Variants in POFUT2 observed in about 807,000 individuals in gnomAD.
POFUT2 encodes GDP-fucose protein O-fucosyltransferase 2.
POFUT2 carries 30 observed loss-of-function variants against 55.0 expected under a neutral mutation model. That is an observed-to-expected ratio of 0.55 (90% CI 0.41 to 0.74). POFUT2 has a LOEUF of 0.74. Ranked by LOEUF, POFUT2 falls within the 30% of genes least tolerant of loss-of-function variation. POFUT2 has a pLI of 0.00. For missense variants in POFUT2, 524 were observed against 562.6 expected, an observed-to-expected ratio of 0.93 and a Z score of 0.69; for synonymous variants, 267 against 231.1, an observed-to-expected ratio of 1.16 and a Z score of -1.41.
Position 45,267,343 on chromosome 21 carries a change from C to T in POFUT2, c.1136+247G>A. 1 of 1,532,858 alleles carries T rather than the reference C, an allele frequency of 6.5e-7. No individual in the cohort carries two copies. Among genetic ancestry groups the T allele is most frequent in the East Asian group, 2.3e-5 (1 of 44,050 alleles). The allele number at this position is 1,532,858 out of a possible 1,614,324, so 95.0% of individuals were successfully genotyped here. ...AGAAGAGGTTCTGAGACGAGGCCAG[C>T]TATGCCAACAGCCTGCTATGGAGGA... is the stretch of plus-strand genomic sequence containing the variant. On this transcript the variant is annotated intron_variant, in intron 8 of 8. Coordinates refer to ENST00000349485, the MANE Select transcript of POFUT2 (RefSeq NM_133635.6). The surrounding 1 kb of genome is among the most constrained non-coding windows in gnomAD (Gnocchi z 4.4).
At position 45,285,618 on chromosome 21, in the gene POFUT2, A is replaced by G; in HGVS notation, c.382+60T>C. 6.2e-7 allele frequency: 1 copy of G among 1,608,552 alleles called. No individual in the cohort carries two copies. Among genetic ancestry groups the G allele is most frequent in the South Asian group, 1.1e-5 (1 of 90,410 alleles). On this transcript the variant is annotated intron_variant, in intron 2 of 8. Transcript: ENST00000349485. This position sits in a 1 kb window ranked among gnomAD's most constrained non-coding sequence, Gnocchi z 4.9. ...AAGCCCAACCTGATGTCTACCTTAG[A>G]AATGACTGCCTGGCCCCAGTTAAGC...
chr21:45,279,201 C>A (rs1199453418), intron 4 of POFUT2, among the ~76,000 whole-genome samples: 1 of 149,390 alleles, frequency 6.7e-6, no homozygotes, highest in East Asian at 1.9e-4. Flanking sequence ...ACCATCCTGG[C>A]TAAGACGGTG....
In POFUT2 at chr21:45,282,215, G is replaced by A; in HGVS notation, c.638+134C>T. Reference sequence around the variant, plus strand: ...CACTTCCCTAACCACCACCCCCCAGGGCCCCCAGGGTCCGCTGTCTGTGAG... The same window carrying A: ...CACTTCCCTAACCACCACCCCCCAGAGCCCCCAGGGTCCGCTGTCTGTGAG... On this transcript the variant is annotated intron_variant, in intron 4 of 8. Transcript: ENST00000349485. This position sits in a 1 kb window ranked among gnomAD's most constrained non-coding sequence, Gnocchi z 4.6. 1 of 648,746 alleles carries A rather than the reference G, an allele frequency of 1.5e-6. No homozygotes were observed. Among genetic ancestry groups the A allele is most frequent in the Non-Finnish European group, 2.7e-6 (1 of 369,802 alleles). The allele number at this position is 648,746 out of a possible 1,614,324, so 40.2% of individuals were successfully genotyped here. A position where few individuals can be genotyped will look rare whatever the true frequency, so the allele number is the denominator to read the frequency against.
chr21:45,272,095 T>G, intron 6 of POFUT2, among the ~76,000 whole-genome samples: 1 of 152,162 alleles, frequency 6.6e-6, no homozygotes, highest in East Asian at 1.9e-4. Context: ...AGACTCCACT[T>G]AAGAGAAACA....
chr21:45,269,009 G>A (rs1279559529), intron 7 of POFUT2, among the ~76,000 whole-genome samples: 3 of 102,758 alleles, frequency 2.9e-5, no homozygotes, highest in Non-Finnish European at 3.9e-5. Flanking sequence ...CCCTCTGCCC[G>A]GCCAGCCGCC....
intron 6 of POFUT2, among the ~76,000 whole-genome samples, chr21:45,276,206 A>T (rs1211738532): frequency 2.6e-5 from 4 of 151,054 alleles, no homozygotes; most frequent in Non-Finnish European, 5.9e-5. Context: ...AAACAAAAAC[A>T]AATTAATTAA....
chr21:45,277,417 G>T lies in POFUT2; in HGVS notation c.706-275C>A, dbSNP rs146047414. 1 of 449,780 alleles carries T rather than the reference G, an allele frequency of 2.2e-6. No homozygotes were observed. The highest frequency in any genetic ancestry group is 2.2e-5 in the South Asian group (1 of 45,258). 27.9% of individuals were successfully genotyped at this position (449,780 alleles called of 1,614,324 possible). ...CGGCACACACTGGGCTCAGCTGGCC[G>T]TTGCCCCTGGCTGGCACAACTGTGT... On this transcript the variant is annotated intron_variant, in intron 5 of 8. Transcript: ENST00000349485. The surrounding 1 kb of genome is among the most constrained non-coding windows in gnomAD (Gnocchi z 6.9).
intron 6 of POFUT2, among the ~76,000 whole-genome samples, chr21:45,273,701 T>A (rs1166943614): frequency 6.6e-6 from 1 of 152,010 alleles, no homozygotes; most frequent in African/African-American, 2.4e-5. Flanking sequence ...TAAACAGCAC[T>A]AAAAACAAAA....
Position 45,287,838 on chromosome 21 carries a change from C to A in POFUT2, c.34G>T (p.Gly12Trp). Residue 12 changes from glycine to tryptophan, a missense_variant, in exon 1 of 9, where the codon GGG becomes TGG. Physicochemically the swap from Gly to Trp is radical, Grantham distance 184. Coordinates refer to ENST00000349485, the MANE Select transcript of POFUT2 (RefSeq NM_133635.6). ...GAAGCCGGAGGCCAGGACACTGCCC[C>A]CAGCAGCAGGAAGACGAAGCTGAGT... ...ATLSFVFLLL[G>W]AVSWPPASAS... is the part of the protein sequence containing the mutation. 6.9e-7 allele frequency: 1 copy of A among 1,454,668 alleles called. No individual in the cohort carries two copies. Among genetic ancestry groups the A allele is most frequent in the Non-Finnish European group, 9.1e-7 (1 of 1,096,430 alleles). 90.1% of individuals were successfully genotyped at this position (1,454,668 alleles called of 1,614,324 possible).
At chr21:45,279,737 A>G (rs947132969) in intron 4 of POFUT2, among the ~76,000 whole-genome samples, 1 of 152,208 alleles carries the variant, frequency 6.6e-6, no homozygotes, top group African/African-American at 2.4e-5. Context: ...AGACTCTTCT[A>G]CAGAAACCTG....
chr21:45,282,251 C>G lies in POFUT2; in HGVS notation c.638+98G>C, dbSNP rs1369805700. ...TCCGCTGTCTGTGAGGTGGGTGGGC[C>G]AGGGATGCGGGAGTATGGGCGGAGA... On this transcript the variant is annotated intron_variant, in intron 4 of 8. Coordinates refer to ENST00000349485, the MANE Select transcript of POFUT2 (RefSeq NM_133635.6). The surrounding 1 kb of genome is among the most constrained non-coding windows in gnomAD (Gnocchi z 4.6). The G allele has an allele frequency of 1.2e-6, 1 of 805,096 alleles. No individual in the cohort carries two copies. The highest frequency in any genetic ancestry group is 1.7e-5 in the African/African-American group (1 of 58,324). The allele number at this position is 805,096 out of a possible 1,614,324, so 49.9% of individuals were successfully genotyped here.
rs1420698773 is a variant in POFUT2, at chr21:45,267,832, C to T, written c.1013-119G>A. On this transcript the variant is annotated intron_variant, in intron 7 of 8. Transcript: ENST00000349485. This position sits in a 1 kb window ranked among gnomAD's most constrained non-coding sequence, Gnocchi z 4.4. The stretch of plus-strand genomic sequence containing the variant: ...TGGTTAATTCGTTAGGAACTGGCTC[C>T]AAAGGTGCAGACACACAACTCAGCT... 4 of 849,520 alleles carry T rather than the reference C, an allele frequency of 4.7e-6. No homozygotes were observed. Among genetic ancestry groups the T allele is most frequent in the Admixed American group, 2.1e-5 (1 of 47,996 alleles). 52.6% of individuals were successfully genotyped at this position (849,520 alleles called of 1,614,324 possible).
intron 6 of POFUT2, among the ~76,000 whole-genome samples, chr21:45,271,963 C>G (rs2093222689): frequency 6.6e-6 from 1 of 152,168 alleles, no homozygotes; most frequent in South Asian, 2.1e-4. Flanking sequence ...ATAAATCTCA[C>G]AGGGCATATA....
rs756321174 is a variant in POFUT2 at position 45,267,558 on chromosome 21, C to T, written c.1136+32G>A. 8.1e-6 allele frequency: 13 copies of T among 1,614,054 alleles called. No individual in the cohort carries two copies. Among genetic ancestry groups the T allele is most frequent in the South Asian group, 3.3e-5 (3 of 91,094 alleles). ...AAGAACCTTTGAAAGCCACCCGACC[C>T]GCTCTCGGCCGACAGTGACGTGGGC... On this transcript the variant is annotated intron_variant, in intron 8 of 8. Coordinates refer to ENST00000349485, the MANE Select transcript of POFUT2 (RefSeq NM_133635.6). This position sits in a 1 kb window ranked among gnomAD's most constrained non-coding sequence, Gnocchi z 4.4.
chr21:45,282,597 T>C lies in POFUT2; in HGVS notation c.528-138A>G. The C allele has an allele frequency of 1.5e-6, 1 of 681,094 alleles. No homozygotes were observed. The highest frequency in any genetic ancestry group is 2.7e-6 in the Non-Finnish European group (1 of 375,704). 42.2% of individuals were successfully genotyped at this position (681,094 alleles called of 1,614,324 possible). On this transcript the variant is annotated intron_variant, in intron 3 of 8. Transcript: ENST00000349485. This position sits in a 1 kb window ranked among gnomAD's most constrained non-coding sequence, Gnocchi z 4.6. ...TTTAGGAAAACTTACTGATCGTGACTGCAGATCGTGACATTCTAGTAAAAT... is the reference window on the plus strand; with the variant it reads ...TTTAGGAAAACTTACTGATCGTGACCGCAGATCGTGACATTCTAGTAAAAT...
intron 1 of POFUT2, 75 bp downstream of exon 1, chr21:45,287,666 G>A: frequency 6.5e-6 from 1 of 153,802 alleles, no homozygotes; most frequent in Non-Finnish European, 1.0e-5. Flanking sequence ...CCCTGACCCC[G>A]CCCCGCCCCC....
In POFUT2 at chr21:45,286,938, C is replaced by A. The variant is rs551929985; in HGVS notation, c.131+803G>T. Reference sequence around the variant, plus strand: ...CCCTGAGAATTCACTGCGGAGCGCCCGCCCGGCACTGACTCCCGGCTCCGC... The same window carrying A: ...CCCTGAGAATTCACTGCGGAGCGCCAGCCCGGCACTGACTCCCGGCTCCGC... On this transcript the variant is annotated intron_variant, in intron 1 of 8. Coordinates refer to ENST00000349485, the MANE Select transcript of POFUT2 (RefSeq NM_133635.6). Among the ~76,000 whole-genome samples, 406 of 152,292 alleles carry A rather than the reference C, an allele frequency of 2.7e-3. 2 individuals are homozygous for A. Among genetic ancestry groups the A allele is most frequent in the Middle Eastern group, 6.8e-3 (2 of 294 alleles).
Position 45,282,975 on chromosome 21 carries a change from A to C in POFUT2, c.527+408T>G. ...TCCAAATGCATGAAAAGACACAGGG[A>C]AAGAGGCACGGGGTCTCAGCCAGAT... On this transcript the variant is annotated intron_variant, in intron 3 of 8. Coordinates refer to ENST00000349485, the MANE Select transcript of POFUT2 (RefSeq NM_133635.6). This position sits in a 1 kb window ranked among gnomAD's most constrained non-coding sequence, Gnocchi z 4.6. 2.1e-6 allele frequency: 1 copy of C among 469,394 alleles called. No homozygotes were observed. The highest frequency in any genetic ancestry group is 4.4e-6 in the Non-Finnish European group (1 of 226,262). The allele number at this position is 469,394 out of a possible 1,614,324, so 29.1% of individuals were successfully genotyped here.
Position 45,265,235 on chromosome 21 carries a change from C to G in POFUT2, c.*247G>C. ...TGCTGGCAACCGAGCTGTGGGTTCA[C>G]AGACGCTGCCTGAAAACAACCGCCA... On this transcript the variant is annotated 3_prime_UTR_variant, in exon 9 of 9. Coordinates refer to ENST00000349485, the MANE Select transcript of POFUT2 (RefSeq NM_133635.6). The surrounding 1 kb of genome is among the most constrained non-coding windows in gnomAD (Gnocchi z 4.6). 1 of 394,762 alleles carries G rather than the reference C, an allele frequency of 2.5e-6. No homozygotes were observed. 24.5% of individuals were successfully genotyped at this position (394,762 alleles called of 1,614,324 possible).
Sources: allele counts gnomAD v4.1 joint callset (sites outside exome capture counted in the v4.1 genomes callset), GRCh38; gene constraint gnomAD v4.1.1; non-coding constraint Gnocchi (gnomAD v3.1); transcripts MANE v1.5; gene names NCBI Gene and HGNC (gene_info 2026-07-23, HGNC 2026-07-21).